The following BLM variants were observed in gnomAD, a reference collection of about 807,000 sequenced individuals.
BLM encodes recQ-like DNA helicase BLM.
Under a neutral mutation model 135.3 loss-of-function variants are expected in BLM, and 95 were observed. That is an observed-to-expected ratio of 0.70 (90% CI 0.59 to 0.83). The LOEUF is 0.83. Ranked by LOEUF, BLM falls within the 40% of genes least tolerant of loss-of-function variation. The pLI is 0.00. For synonymous variants in BLM, 520 were observed against 589.2 expected (o/e 0.88, Z 1.70); for missense variants, 1,518 against 1,663.9 (o/e 0.91, Z 1.53).
intron 10 of BLM, among the ~76,000 whole-genome samples, chr15:90,768,422 C>G (rs904606923): frequency 6.6e-6 from 1 of 152,134 alleles, no homozygotes; most frequent in South Asian, 2.1e-4. Flanking sequence ...TACATGTGCT[C>G]GTTGCTACTG....
At chr15:90,764,416 A>G (rs1266370253) in intron 8 of BLM, among the ~76,000 whole-genome samples, 2 of 151,900 alleles carry the variant, frequency 1.3e-5, no homozygotes, top group Non-Finnish European at 2.9e-5. Flanking sequence ...CAGTGGTGCT[A>G]TCACAGCTCA....
At chr15:90,753,392 T>C (rs377523654) in intron 4 of BLM, among the ~76,000 whole-genome samples, 8 of 152,364 alleles carry the variant, frequency 5.3e-5, no homozygotes, top group African/African-American at 1.9e-4. Context: ...TATTCTACTT[T>C]ATTTCTCTTA....
At chr15:90,734,444 C>T (rs1463701858) in intron 1 of BLM, among the ~76,000 whole-genome samples, 10 of 151,974 alleles carry the variant, frequency 6.6e-5, no homozygotes, top group African/African-American at 2.4e-4. Context: ...CCCACCACCA[C>T]ACCTGGCTAA....
chr15:90,761,261 T>A lies in BLM; in HGVS notation c.1882+6T>A. ...GTCAATTCAGAATTATACTGGTAAG[T>A]TTAAAATAAATTGAATGCTTATATG... is the stretch of plus-strand genomic sequence containing the variant. On this transcript the variant is annotated splice_donor_region_variant and intron_variant, in intron 7 of 21. Coordinates refer to ENST00000355112, the MANE Select transcript of BLM (RefSeq NM_000057.4). The A allele has an allele frequency of 6.7e-7, 1 of 1,495,760 alleles. No homozygotes were observed. Among genetic ancestry groups the A allele is most frequent in the Middle Eastern group, 1.8e-4 (1 of 5,638 alleles). The allele number at this position is 1,495,760 out of a possible 1,614,324, so 92.7% of individuals were successfully genotyped here. A position where few individuals can be genotyped will look rare whatever the true frequency, so the allele number is the denominator to read the frequency against.
chr15:90,799,967 G>A (rs1897126689), intron 17 of BLM, among the ~76,000 whole-genome samples: 1 of 152,172 alleles, frequency 6.6e-6, no homozygotes, highest in Non-Finnish European at 1.5e-5. Flanking sequence ...CCAGATGGGA[G>A]ATACAAAGTT....
chr15:90,765,322 C>A lies in BLM; in HGVS notation c.2101C>A (p.Leu701Ile). ...TGGGKSLCYQ[L>I]PACVSPGVTV... ...AGGTGGTAAGAGTTTGTGTTACCAGCTCCCTGCCTGTGTTTCTCCTGGGGT... is the reference window on the plus strand; with the variant it reads ...AGGTGGTAAGAGTTTGTGTTACCAGATCCCTGCCTGTGTTTCTCCTGGGGT... Residue 701 changes from leucine to isoleucine, a missense_variant, in exon 9 of 22, where the codon CTC becomes ATC. Leu to Ile is a conservative substitution (Grantham distance 5). Around this residue, in one of 5 missense-constraint regions of BLM, gnomAD observed 626 missense variants for 681.1 expected, o/e 0.92. Coordinates refer to ENST00000355112, the MANE Select transcript of BLM (RefSeq NM_000057.4). 1 of 1,613,238 alleles carries A rather than the reference C, an allele frequency of 6.2e-7. No homozygotes were observed. Among genetic ancestry groups the A allele is most frequent in the Non-Finnish European group, 8.5e-7 (1 of 1,179,194 alleles).
At chr15:90,761,756 G>A (rs1322653458) in intron 7 of BLM, among the ~76,000 whole-genome samples, 1 of 152,010 alleles carries the variant, frequency 6.6e-6, no homozygotes. Context: ...TACTTCTTTG[G>A]GTCTAAGGGC....
chr15:90,747,623 T>C (rs1895539884), intron 2 of BLM, 133 bp downstream of exon 2: 1 of 704,964 alleles, frequency 1.4e-6, no homozygotes, highest in Admixed American at 2.2e-5. Flanking sequence ...ATTTTCCCAC[T>C]TTGCCAATTA....
In BLM at chr15:90,762,989, T is replaced by A; in HGVS notation, c.1906T>A (p.Ser636Thr). 6.2e-7 allele frequency: 1 copy of A among 1,613,822 alleles called. No individual in the cohort carries two copies. The highest frequency in any genetic ancestry group is 8.5e-7 in the Non-Finnish European group (1 of 1,179,908). Residue 636 changes from serine to threonine, a missense_variant, in exon 8 of 22, where the codon TCC becomes ACC. By Grantham distance (58) the Ser-to-Thr change is moderately conservative. Around this residue, in one of 5 missense-constraint regions of BLM, gnomAD observed 724 missense variants for 756.9 expected, o/e 0.96. Coordinates refer to ENST00000355112, the MANE Select transcript of BLM (RefSeq NM_000057.4). ...YTDKSAQNLA[S>T]RNLKHERFQS... ...AGACAAGTCAGCACAAAATTTAGCA[T>A]CCAGAAATCTGAAACATGAGCGTTT...
Position 90,775,500 on chromosome 15 carries a change from TTA to T in BLM, c.2555+5924_2555+5925del, listed in dbSNP as rs1167536118. Among the ~76,000 whole-genome samples the T allele has an allele frequency of 2.2e-3, 324 of 148,392 alleles. 1 individual carries two copies. Among genetic ancestry groups the T allele is most frequent in the Admixed American group, 4.1e-3 (61 of 14,884 alleles). Reference sequence around the variant, plus strand: ...TTATATATATGTGTGTTTTTATTTTTTATATATATATGTGTGTGTGTGTGTGT... The same window carrying T: ...TTATATATATGTGTGTTTTTATTTTTTATATATATGTGTGTGTGTGTGTGT... On this transcript the variant is annotated intron_variant, in intron 12 of 21. Transcript: ENST00000355112.
At chr15:90,785,561 G>A (rs935541313) in intron 14 of BLM, among the ~76,000 whole-genome samples, 16 of 139,960 alleles carry the variant, frequency 1.1e-4, no homozygotes, top group East Asian at 4.1e-4. Context: ...TTTTTTTTCC[G>A]GAGACAGAGT....
intron 3 of BLM, 68 bp downstream of exon 3, chr15:90,750,135 A>G: frequency 6.7e-7 from 1 of 1,481,512 alleles, no homozygotes; most frequent in Non-Finnish European, 9.3e-7. Flanking sequence ...AGCCATTGGG[A>G]ATAGTCATGA....
chr15:90,815,566 C>T lies in BLM; in HGVS notation c.*287C>T. 9.4e-6 allele frequency: 4 copies of T among 426,766 alleles called. No individual in the cohort carries two copies. The highest frequency in any genetic ancestry group is 1.7e-5 in the Non-Finnish European group (4 of 237,436). 26.4% of individuals were successfully genotyped at this position (426,766 alleles called of 1,614,324 possible). A position where few individuals can be genotyped will look rare whatever the true frequency, so the allele number is the denominator to read the frequency against. ...GAGCTTCTGAGCATAACACGAAACC[C>T]AGAAGCCAAAGGAAGAGCCACGCGT... On this transcript the variant is annotated 3_prime_UTR_variant, in exon 22 of 22. Transcript: ENST00000355112. This position sits in a 1 kb window ranked among gnomAD's most constrained non-coding sequence, Gnocchi z 4.6.
intron 1 of BLM, among the ~76,000 whole-genome samples, chr15:90,725,311 ACTC>A (rs1304337374): frequency 6.6e-6 from 1 of 151,644 alleles, no homozygotes; most frequent in Non-Finnish European, 1.5e-5. Flanking sequence ...AAGTGCTTGC[ACTC>A]CCACCAATGT....
chr15:90,768,744 G>A (rs1896208054), intron 10 of BLM, among the ~76,000 whole-genome samples: 1 of 151,916 alleles, frequency 6.6e-6, no homozygotes, highest in Non-Finnish European at 1.5e-5. Flanking sequence ...TTGTTTTTTC[G>A]AGACCGAGTT....
In BLM at chr15:90,725,695, T is replaced by A. The variant is rs895561207; in HGVS notation, c.-5+8255T>A. Among the ~76,000 whole-genome samples, 37 of 150,902 alleles carry A rather than the reference T, an allele frequency of 2.5e-4. 2 individuals are homozygous for A. The highest frequency in any genetic ancestry group is 2.1e-3 in the Admixed American group (32 of 15,168). ...TTTTTTTTTTTTTGGATTGTTTTAG[T>A]AGAGACGGGGTTTCACTGTGTTAGC... On this transcript the variant is annotated intron_variant, in intron 1 of 21. Coordinates refer to ENST00000355112, the MANE Select transcript of BLM (RefSeq NM_000057.4).
intron 8 of BLM, among the ~76,000 whole-genome samples, chr15:90,764,559 A>G (rs1339090772): frequency 1.3e-5 from 2 of 151,842 alleles, no homozygotes; most frequent in Non-Finnish European, 2.9e-5. Flanking sequence ...GTGTTGCCCA[A>G]GTTGATCTCA....
Position 90,809,252 on chromosome 15 carries a change from A to G in BLM, c.3867A>G (p.Thr1289=), listed in dbSNP as rs759000443. Residue 1289 remains threonine (T), a synonymous_variant, in exon 20 of 22, where the codon ACA becomes ACG. Transcript: ENST00000355112. ...TATTACAGAAATACTCTGAATGGAC[A>G]TCGCCAGGTTAGTACACAGCCATGT... is the stretch of plus-strand genomic sequence containing the variant. The part of the protein sequence containing the change: ...ISVLQKYSEW[T]SPAEDSSPGI... The G allele has an allele frequency of 1.2e-5, 20 of 1,614,098 alleles. No homozygotes were observed. The Admixed American group carries it at 2.0e-4, about 16-fold the overall frequency.
chr15:90,809,054 G>A, intron 19 of BLM, 83 bp from the exon 20 acceptor site: 2 of 1,577,722 alleles, frequency 1.3e-6, no homozygotes, highest in Non-Finnish European at 8.7e-7. Flanking sequence ...TAGCAGACGT[G>A]TGCTGAATGC....
Sources: gnomAD v4.1 joint callset for allele counts (sites outside exome capture counted in the v4.1 genomes callset) on GRCh38, gnomAD v4.1.1 for gene constraint, gnomAD v4.1.1 regional missense constraint, Gnocchi (gnomAD v3.1) non-coding constraint, MANE v1.5 for transcripts, NCBI Gene and HGNC (gene_info 2026-07-23, HGNC 2026-07-21) for gene names.